SPTLC3: variants seen among roughly 807,000 people sequenced by gnomAD.
SPTLC3 encodes the protein serine palmitoyltransferase 3.
Under a neutral mutation model 59.3 loss-of-function variants are expected in SPTLC3, and 36 were observed. That is an observed-to-expected ratio of 0.61 (90% CI 0.47 to 0.80). The LOEUF (loss-of-function observed/expected upper bound fraction) is 0.80, where lower values mean the gene tolerates loss of function less well. Ranked by LOEUF, SPTLC3 falls within the 30% of genes least tolerant of loss-of-function variation. The pLI, the probability that SPTLC3 is intolerant of heterozygous loss-of-function variation, is 0.00. For missense variants in SPTLC3, 625 were observed against 685.1 expected (o/e 0.91, Z 0.98); for synonymous variants, 257 against 240.8 (o/e 1.07, Z -0.62).
intron 9 of SPTLC3, among the ~76,000 whole-genome samples, chr20:13,127,541 A>G (rs1038684043): frequency 3.3e-5 from 5 of 152,200 alleles, no homozygotes; most frequent in African/African-American, 1.2e-4. Flanking sequence ...AGTATGGGGT[A>G]CTCCATCAGT....
chr20:13,164,716 T>C lies in SPTLC3; in HGVS notation c.1546-38T>C, dbSNP rs1369100426. The C allele has an allele frequency of 3.3e-6, 5 of 1,506,576 alleles. No individual in the cohort carries two copies. The South Asian group carries it at 5.8e-5, about 17-fold the overall frequency. The allele number at this position is 1,506,576 out of a possible 1,614,324, so 93.3% of individuals were successfully genotyped here. On this transcript the variant is annotated intron_variant, in intron 11 of 11. Transcript: ENST00000399002. ...GCTCTGCAAAGCAGGGCTACTTAGG[T>C]GTTCAATGATAGCTATTGGAAAGCA...
intron 4 of SPTLC3, among the ~76,000 whole-genome samples, chr20:13,077,644 G>A (rs1988693267): frequency 6.6e-6 from 1 of 152,070 alleles, no homozygotes; most frequent in South Asian, 2.1e-4. Flanking sequence ...ACTTTACTAA[G>A]CAGGAAAGAT....
intron 9 of SPTLC3, among the ~76,000 whole-genome samples, chr20:13,129,756 A>AT (rs2038079693): frequency 6.6e-6 from 1 of 152,246 alleles, no homozygotes; most frequent in South Asian, 2.1e-4. Flanking sequence ...ATCTGCAGAA[A>AT]GATTACATTA....
chr20:13,072,257 A>T lies in SPTLC3; in HGVS notation c.305A>T (p.Asp102Val). ...NAAVERKEQK[D>V]FVPLYQDFEN... ...AACCTTCTACCTCTGTTCTAACAGG[A>T]TTTTGTGCCACTGTATCAAGACTTT... Residue 102 changes from aspartate (D) to valine (V), a missense_variant and splice_region_variant, in exon 3 of 12, where the codon GAT becomes GTT. Physicochemically the swap from Asp to Val is radical, Grantham distance 152 (BLOSUM62 -3). Coordinates refer to ENST00000399002, the MANE Select transcript of SPTLC3 (RefSeq NM_018327.4). The T allele has an allele frequency of 6.2e-7, 1 of 1,610,556 alleles. No homozygotes were observed. Among genetic ancestry groups the T allele is most frequent in the African/African-American group, 1.3e-5 (1 of 74,702 alleles).
chr20:13,083,915 A>G (rs1201072380), intron 4 of SPTLC3, among the ~76,000 whole-genome samples: 1 of 152,142 alleles, frequency 6.6e-6, no homozygotes, highest in East Asian at 1.9e-4. Flanking sequence ...TCTCTGTCCT[A>G]TGTTGGAGAC....
intron 2 of SPTLC3, among the ~76,000 whole-genome samples, chr20:13,052,386 G>A (rs1159394685): frequency 1.3e-5 from 2 of 152,150 alleles, no homozygotes; most frequent in African/African-American, 4.8e-5. Context: ...CGCAGACCAG[G>A]AGATTCCCTC....
At chr20:13,083,808 A>G (rs55851607) in intron 4 of SPTLC3, among the ~76,000 whole-genome samples, 41,772 of 152,026 alleles carry the variant, frequency 0.27, 5,895 homozygotes, top group Middle Eastern at 0.35. Context: ...AGCTCCCAAC[A>G]TCAGGGCTGT....
intron 8 of SPTLC3, among the ~76,000 whole-genome samples, chr20:13,122,964 G>A: frequency 6.6e-6 from 1 of 152,168 alleles, no homozygotes; most frequent in Non-Finnish European, 1.5e-5. Context: ...GACACTCCAA[G>A]AAGCTTTTAT....
chr20:13,093,891 C>A (rs903429009), intron 6 of SPTLC3, among the ~76,000 whole-genome samples: 1 of 152,186 alleles, frequency 6.6e-6, no homozygotes, highest in African/African-American at 2.4e-5. Flanking sequence ...TTACTCTTCC[C>A]TTTCTACAGC....
intron 2 of SPTLC3, among the ~76,000 whole-genome samples, chr20:13,069,293 G>A (rs753805734): frequency 3.3e-4 from 50 of 152,196 alleles, no homozygotes; most frequent in African/African-American, 1.1e-3. Flanking sequence ...TTCAAGTCAC[G>A]CACCTTTCTG....
intron 1 of SPTLC3, among the ~76,000 whole-genome samples, chr20:13,024,330 A>G (rs1600211207): frequency 6.6e-6 from 1 of 152,136 alleles, no homozygotes; most frequent in African/African-American, 2.4e-5. Context: ...TATAATTCTA[A>G]ATAAATATTC....
intron 8 of SPTLC3, among the ~76,000 whole-genome samples, chr20:13,125,549 C>T (rs1279763290): frequency 2.0e-5 from 3 of 152,216 alleles, no homozygotes; most frequent in Non-Finnish European, 4.4e-5. Context: ...TGCCCATCAA[C>T]AATGTGGGCT....
At chr20:13,102,730 C>T (rs1447619756) in intron 6 of SPTLC3, among the ~76,000 whole-genome samples, 1 of 152,134 alleles carries the variant, frequency 6.6e-6, no homozygotes, top group Non-Finnish European at 1.5e-5. Flanking sequence ...GCATTGAGCC[C>T]CCTCATTTAG....
At chr20:13,041,981 C>T (rs1987001963) in intron 1 of SPTLC3, among the ~76,000 whole-genome samples, 1 of 152,152 alleles carries the variant, frequency 6.6e-6, no homozygotes, top group Non-Finnish European at 1.5e-5. Context: ...TGTGAGTCTC[C>T]ACTCCACTAC....
At chr20:13,066,474 T>C (rs1288556703) in intron 2 of SPTLC3, among the ~76,000 whole-genome samples, 1 of 152,222 alleles carries the variant, frequency 6.6e-6, no homozygotes, top group Non-Finnish European at 1.5e-5. Context: ...ACCTTTGTAG[T>C]ATATTTCAAA....
intron 9 of SPTLC3, among the ~76,000 whole-genome samples, chr20:13,146,184 C>T (rs1191992271): frequency 6.6e-6 from 1 of 152,084 alleles, no homozygotes; most frequent in Non-Finnish European, 1.5e-5. Flanking sequence ...AACATAAAAC[C>T]AAATACCACA....
At chr20:13,064,646 C>T (rs547426132) in intron 2 of SPTLC3, among the ~76,000 whole-genome samples, 1 of 152,236 alleles carries the variant, frequency 6.6e-6, no homozygotes, top group South Asian at 2.1e-4. Flanking sequence ...GACCTATTTT[C>T]CTATTATTTG....
At chr20:13,066,776 C>T (rs1370043817) in intron 2 of SPTLC3, among the ~76,000 whole-genome samples, 1 of 151,722 alleles carries the variant, frequency 6.6e-6, no homozygotes, top group African/African-American at 2.4e-5. Flanking sequence ...TTCCCTCCTC[C>T]TTCTCTTCCT....
At chr20:13,039,617 T>C (rs562950547) in intron 1 of SPTLC3, among the ~76,000 whole-genome samples, 1 of 152,294 alleles carries the variant, frequency 6.6e-6, no homozygotes, top group African/African-American at 2.4e-5. Flanking sequence ...TCTTCTGTTA[T>C]AACTGAGATA....
Sources: allele counts gnomAD v4.1 joint callset (sites outside exome capture counted in the v4.1 genomes callset), GRCh38; gene constraint gnomAD v4.1.1; transcripts MANE v1.5; gene names NCBI Gene and HGNC (gene_info 2026-07-23, HGNC 2026-07-21).